Variants in DSCAM observed in about 807,000 individuals in gnomAD.
DSCAM encodes cell adhesion molecule DSCAM.
In DSCAM, 47 loss-of-function variants were observed where a neutral mutation model predicts 217.7. The observed-to-expected ratio is 0.22, with a 90% CI of 0.17 to 0.28. DSCAM has a LOEUF of 0.28. DSCAM is among the 10% of genes least tolerant of loss of function. The pLI is 1.00. For synonymous variants in DSCAM, 1,056 were observed against 1,015.3 expected (o/e 1.04, Z -0.76); for missense variants, 2,080 against 2,618.3 (o/e 0.79, Z 4.49).
chr21:40,738,496 T>C (rs2091087635), intron 1 of DSCAM, among the ~76,000 whole-genome samples: 1 of 152,162 alleles, frequency 6.6e-6, no homozygotes, highest in South Asian at 2.1e-4. Context: ...CACATGAAGG[T>C]CACCCCAGTA....
intron 3 of DSCAM, among the ~76,000 whole-genome samples, chr21:40,426,009 C>T (rs1311378197): frequency 6.6e-6 from 1 of 152,182 alleles, no homozygotes; most frequent in Non-Finnish European, 1.5e-5. Context: ...GCTGGTCAAT[C>T]AAGAGCTTCT....
intron 2 of DSCAM, among the ~76,000 whole-genome samples, chr21:40,694,564 T>C (rs1404684008): frequency 6.6e-6 from 1 of 152,094 alleles, no homozygotes; most frequent in African/African-American, 2.4e-5. Context: ...CATTAGCCGT[T>C]TTTCCCCAAC....
At chr21:40,790,380 C>T (rs953346830) in intron 1 of DSCAM, among the ~76,000 whole-genome samples, 1 of 152,046 alleles carries the variant, frequency 6.6e-6, no homozygotes, top group Non-Finnish European at 1.5e-5. Flanking sequence ...CGGGGTTTCG[C>T]CGTGTTGGCC....
At chr21:40,497,067 T>C (rs1457031587) in intron 3 of DSCAM, among the ~76,000 whole-genome samples, 2 of 152,308 alleles carry the variant, frequency 1.3e-5, no homozygotes, top group East Asian at 1.9e-4. Context: ...ACAGCCATTT[T>C]TGGAAACAGT....
chr21:40,202,684 G>A (rs1358367598), intron 11 of DSCAM, among the ~76,000 whole-genome samples: 3 of 152,290 alleles, frequency 2.0e-5, no homozygotes, highest in Admixed American at 2.0e-4. Flanking sequence ...TTCCTTCAAC[G>A]TTATAATCTC....
intron 15 of DSCAM, among the ~76,000 whole-genome samples, chr21:40,175,815 A>ACACACGCACGCACG (rs1555886121): frequency 1.3e-5 from 2 of 149,654 alleles, no homozygotes; most frequent in Non-Finnish European, 1.5e-5. Flanking sequence ...ACACGCACAC[A>ACACACGCACGCACG]CACACACACG....
At chr21:40,611,501 A>G (rs184293541) in intron 3 of DSCAM, among the ~76,000 whole-genome samples, 8 of 152,306 alleles carry the variant, frequency 5.3e-5, no homozygotes, top group Admixed American at 4.6e-4. Flanking sequence ...TATGTATTTT[A>G]TGGCACCCTC....
intron 3 of DSCAM, chr21:40,383,572 C>T (rs2837597): frequency 2.6e-5 from 4 of 151,956 alleles, no homozygotes; most frequent in Non-Finnish European, 5.9e-5. Flanking sequence ...ATTCTCAGCA[C>T]GTTTTTGCAG....
Position 40,087,375 on chromosome 21 carries a change from C to T in DSCAM, c.3851-88G>A, listed in dbSNP as rs771291413. 4.2e-5 allele frequency: 40 copies of T among 958,162 alleles called. No homozygotes were observed. The Middle Eastern group carries it at 1.2e-3, about 30-fold the overall frequency. 59.4% of individuals were successfully genotyped at this position (958,162 alleles called of 1,614,324 possible). A position where few individuals can be genotyped will look rare whatever the true frequency, so the allele number is the denominator to read the frequency against. On this transcript the variant is annotated intron_variant, in intron 21 of 32. Transcript: ENST00000400454. ...ATGACCTACTCAATAAGGGCAATAC[C>T]TAAAAATGGATGTGAAGCCAATTCA... is the stretch of plus-strand genomic sequence containing the variant.
intron 1 of DSCAM, among the ~76,000 whole-genome samples, chr21:40,745,157 T>C (rs1444631377): frequency 6.6e-6 from 1 of 152,118 alleles, no homozygotes; most frequent in African/African-American, 2.4e-5. Context: ...ATGAGAATTA[T>C]GAGATACTAT....
chr21:40,257,141 G>A (rs1202198925), intron 11 of DSCAM, among the ~76,000 whole-genome samples: 1 of 152,044 alleles, frequency 6.6e-6, no homozygotes, highest in African/African-American at 2.4e-5. Flanking sequence ...ATTGTTTCTT[G>A]GTATCTTTGG....
At chr21:40,326,731 G>T (rs897562803) in intron 8 of DSCAM, among the ~76,000 whole-genome samples, 1 of 152,100 alleles carries the variant, frequency 6.6e-6, no homozygotes, top group African/African-American at 2.4e-5. Flanking sequence ...CCACTGCACA[G>T]ATCGTGCAGG....
chr21:40,725,139 T>C (rs145320138), intron 1 of DSCAM, among the ~76,000 whole-genome samples: 52 of 152,332 alleles, frequency 3.4e-4, no homozygotes, highest in African/African-American at 1.3e-3. Context: ...TAGTATGACT[T>C]CTTTTGGCTT....
chr21:40,183,595 C>T (rs2090862053), intron 14 of DSCAM, among the ~76,000 whole-genome samples: 1 of 152,086 alleles, frequency 6.6e-6, no homozygotes, highest in African/African-American at 2.4e-5. Context: ...TGTCATTTGG[C>T]CAAAGGGTTA....
intron 20 of DSCAM, among the ~76,000 whole-genome samples, chr21:40,121,510 CCTTGTAACA>C (rs1367337690): frequency 6.6e-6 from 1 of 151,950 alleles, no homozygotes; most frequent in African/African-American, 2.4e-5. Context: ...TCTGGGACCT[CCTTGTAACA>C]CTTTCTAGGT....
At chr21:40,080,101 T>C (rs1218361333) in intron 25 of DSCAM, 51 bp downstream of exon 25, 1 of 1,305,538 alleles carries the variant, frequency 7.7e-7, no homozygotes. Context: ...AATCTCCTCT[T>C]CTGGCCGGGA....
At chr21:40,741,738 A>G (rs138765709) in intron 1 of DSCAM, among the ~76,000 whole-genome samples, 102 of 152,318 alleles carry the variant, frequency 6.7e-4, no homozygotes, top group African/African-American at 2.2e-3. Flanking sequence ...ATAAATCAGA[A>G]TGTCTGTCAA....
intron 8 of DSCAM, among the ~76,000 whole-genome samples, chr21:40,313,050 G>A (rs1003963269): frequency 7.3e-5 from 11 of 151,422 alleles, no homozygotes; most frequent in East Asian, 1.9e-4. Flanking sequence ...CCAGGAGTTC[G>A]AGGCTGCAGT....
intron 3 of DSCAM, among the ~76,000 whole-genome samples, chr21:40,535,160 A>G (rs2076485538): frequency 6.6e-6 from 1 of 152,196 alleles, no homozygotes; most frequent in East Asian, 1.9e-4. Flanking sequence ...GGATACAATG[A>G]CACTCTCTAT....
Sources: allele counts gnomAD v4.1 joint callset (sites outside exome capture counted in the v4.1 genomes callset), GRCh38; gene constraint gnomAD v4.1.1; transcripts MANE v1.5; gene names NCBI Gene and HGNC (gene_info 2026-07-23, HGNC 2026-07-21).